TPD52L1: variants seen among roughly 807,000 people sequenced by gnomAD.
TPD52L1 encodes TPD52 like 1, also known as tumor protein D53.
In TPD52L1, 18 loss-of-function variants were observed where a neutral mutation model predicts 28.7. The ratio of observed to expected loss-of-function variants is 0.63; its 90% CI spans 0.43 to 0.93. TPD52L1 has a LOEUF of 0.93. Among genes scored for constraint, TPD52L1 ranks in the 40% least tolerant of loss-of-function variants. The pLI is 0.00. For synonymous variants in TPD52L1, 75 were observed against 88.8 expected (o/e 0.84, Z 0.88); for missense variants, 203 against 254.8 (o/e 0.80, Z 1.39).
intron 6 of TPD52L1, among the ~76,000 whole-genome samples, chr6:125,258,342 A>C (rs1341192514): frequency 6.6e-6 from 1 of 152,210 alleles, no homozygotes; most frequent in Non-Finnish European, 1.5e-5. Flanking sequence ...TTGAGCGTAC[A>C]GGAACCAATG....
chr6:125,172,159 T>TC (rs1334694831), intron 1 of TPD52L1, among the ~76,000 whole-genome samples: 8 of 53,080 alleles, frequency 1.5e-4, no homozygotes, highest in African/African-American at 1.9e-4. Flanking sequence ...TTTCTTTCTT[T>TC]TCTTTCTTTC....
chr6:125,229,349 G>A, intron 3 of TPD52L1, 83 bp downstream of exon 3: 1 of 1,384,484 alleles, frequency 7.2e-7, no homozygotes, highest in Non-Finnish European at 9.6e-7. Context: ...TTTCCTACAA[G>A]GCTGATTTGG....
At position 125,240,876 on chromosome 6, in the gene TPD52L1, G is replaced by A. The variant is rs113385964; in HGVS notation, c.285-7406G>A. On this transcript the variant is annotated intron_variant, in intron 3 of 6. Coordinates refer to ENST00000534000, the MANE Select transcript of TPD52L1 (RefSeq NM_003287.4). ...TCCTGTACTATATTGAATAGAAGTG[G>A]TGAAAGTGGGCATCCTTATCTTCTT... 8.5e-3 allele frequency among the ~76,000 whole-genome samples: 1,300 copies of A among 152,176 alleles called. 23 individuals carry two copies. The highest frequency in any genetic ancestry group is 0.03 in the African/African-American group (1,242 of 41,520).
At chr6:125,156,306 A>G (rs1396466278) in intron 1 of TPD52L1, among the ~76,000 whole-genome samples, 2 of 151,902 alleles carry the variant, frequency 1.3e-5, no homozygotes, top group East Asian at 3.9e-4. Context: ...CTCTACAAAA[A>G]ATAAACAGAA....
chr6:125,226,298 T>G (rs1375136346), intron 2 of TPD52L1, among the ~76,000 whole-genome samples: 1 of 152,212 alleles, frequency 6.6e-6, no homozygotes, highest in Non-Finnish European at 1.5e-5. Flanking sequence ...CCCATATGTG[T>G]CTTTGAAAGT....
rs1025042682 is a variant in TPD52L1, at chr6:125,248,177, A to C, written c.285-105A>C. The C allele has an allele frequency of 1.7e-5, 16 of 926,052 alleles. No homozygotes were observed. The African/African-American group carries it at 2.3e-4, about 13-fold the overall frequency. 57.4% of individuals were successfully genotyped at this position (926,052 alleles called of 1,614,324 possible). On this transcript the variant is annotated intron_variant, in intron 3 of 6. Coordinates refer to ENST00000534000, the MANE Select transcript of TPD52L1 (RefSeq NM_003287.4). ...AGTGGTTTTGTGGATCTTCTTCCTA[A>C]ATCTGTTGAGGAAAGGACATTTTCA...
chr6:125,253,872 C>T, intron 5 of TPD52L1, 117 bp downstream of exon 5: 1 of 1,004,372 alleles, frequency 1.0e-6, no homozygotes, highest in Non-Finnish European at 1.6e-6. Flanking sequence ...TGCTGATGGT[C>T]TTCAAAAGAA....
chr6:125,262,646 C>T (rs897737720), intron 6 of TPD52L1, 188 bp from the exon 7 acceptor site: 22 of 725,494 alleles, frequency 3.0e-5, no homozygotes, highest in Middle Eastern at 3.9e-4. Flanking sequence ...GAATCCTATC[C>T]GAGAACCCAA....
At chr6:125,258,868 C>T (rs1164458829) in intron 6 of TPD52L1, among the ~76,000 whole-genome samples, 1 of 152,058 alleles carries the variant, frequency 6.6e-6, no homozygotes, top group Non-Finnish European at 1.5e-5. Flanking sequence ...ACTCACATGC[C>T]ACATACTTCC....
intron 1 of TPD52L1, among the ~76,000 whole-genome samples, chr6:125,197,463 T>G (rs962725211): frequency 9.2e-5 from 14 of 152,202 alleles, no homozygotes; most frequent in African/African-American, 3.4e-4. Flanking sequence ...ACTTCTATTT[T>G]GAGTTCTTTT....
At chr6:125,254,430 C>A (rs924102070) in intron 5 of TPD52L1, among the ~76,000 whole-genome samples, 1 of 152,072 alleles carries the variant, frequency 6.6e-6, no homozygotes, top group African/African-American at 2.4e-5. Flanking sequence ...ATTAACTTTG[C>A]ACTCTTGGGA....
chr6:125,227,314 C>G (rs1433749925), intron 2 of TPD52L1, among the ~76,000 whole-genome samples: 1 of 152,082 alleles, frequency 6.6e-6, no homozygotes, highest in Admixed American at 6.6e-5. Flanking sequence ...TGTCTGTTCA[C>G]TATTGGCGCT....
chr6:125,164,811 C>G (rs78407483), intron 1 of TPD52L1, among the ~76,000 whole-genome samples: 1 of 151,986 alleles, frequency 6.6e-6, no homozygotes, highest in Non-Finnish European at 1.5e-5. Flanking sequence ...TGAATTTTCA[C>G]GGTTTGAAGC....
intron 6 of TPD52L1, among the ~76,000 whole-genome samples, chr6:125,258,355 A>C (rs1473528270): frequency 6.6e-6 from 1 of 152,194 alleles, no homozygotes; most frequent in African/African-American, 2.4e-5. Context: ...AACCAATGGG[A>C]GCCGTTAAAC....
intron 1 of TPD52L1, among the ~76,000 whole-genome samples, chr6:125,172,541 T>TATATTATATATATATATA (rs1791531269): frequency 8.4e-5 from 8 of 95,134 alleles, no homozygotes; most frequent in Non-Finnish European, 1.6e-4. Context: ...TATATATATA[T>TATATTATATATATATATA]ATATATATAT....
At chr6:125,162,943 AG>A (rs1220944088) in intron 1 of TPD52L1, among the ~76,000 whole-genome samples, 2 of 152,234 alleles carry the variant, frequency 1.3e-5, no homozygotes, top group Non-Finnish European at 2.9e-5. Flanking sequence ...GGGAACTACG[AG>A]TCAGAAAAAT....
chr6:125,160,110 C>T (rs374263259), intron 1 of TPD52L1, among the ~76,000 whole-genome samples: 2 of 152,234 alleles, frequency 1.3e-5, no homozygotes, highest in South Asian at 2.1e-4. Context: ...GTCCATTAAA[C>T]CTCTTTTTCT....
chr6:125,177,305 T>G (rs1791884150), intron 1 of TPD52L1, among the ~76,000 whole-genome samples: 1 of 152,224 alleles, frequency 6.6e-6, no homozygotes, highest in Non-Finnish European at 1.5e-5. Context: ...TCATTTCAGC[T>G]TGTCAGATCT....
At chr6:125,157,452 G>A (rs1222607147) in intron 1 of TPD52L1, among the ~76,000 whole-genome samples, 1 of 152,202 alleles carries the variant, frequency 6.6e-6, no homozygotes, top group Non-Finnish European at 1.5e-5. Flanking sequence ...CAGGAAGTGG[G>A]ATTATGGGTG....
Sources: allele counts gnomAD v4.1 joint callset (sites outside exome capture counted in the v4.1 genomes callset), GRCh38; gene constraint gnomAD v4.1.1; transcripts MANE v1.5; gene names NCBI Gene and HGNC (gene_info 2026-07-23, HGNC 2026-07-21).